Variants in RBFOX1 observed in about 807,000 individuals in gnomAD.
RBFOX1 encodes RNA binding protein fox-1 homolog 1.
In RBFOX1, 8 loss-of-function variants were observed where a neutral mutation model predicts 57.7. The ratio of observed to expected loss-of-function variants is 0.14; its 90% CI spans 0.08 to 0.25. RBFOX1 has a LOEUF of 0.25. Among genes scored for constraint, RBFOX1 ranks in the 10% least tolerant of loss-of-function variants. RBFOX1 has a pLI of 1.00. For missense variants in RBFOX1, 611 were observed against 548.5 expected (o/e 1.11, Z -1.14); for synonymous variants, 326 against 222.4 (o/e 1.47, Z -4.15).
intron 4 of RBFOX1, among the ~76,000 whole-genome samples, chr16:7,172,808 A>C (rs1166144235): frequency 6.6e-6 from 1 of 152,160 alleles, no homozygotes; most frequent in Non-Finnish European, 1.5e-5. Flanking sequence ...TGTAGAGTTA[A>C]ACAGATGGCA....
At chr16:6,782,615 C>T (rs1373657214) in intron 3 of RBFOX1, among the ~76,000 whole-genome samples, 1 of 152,008 alleles carries the variant, frequency 6.6e-6, no homozygotes, top group Non-Finnish European at 1.5e-5. Flanking sequence ...TTGGATTTTT[C>T]TGAATTTCTG....
chr16:5,515,265 G>C (rs1202478742), intron 2 of RBFOX1, among the ~76,000 whole-genome samples: 1 of 152,246 alleles, frequency 6.6e-6, no homozygotes, highest in Admixed American at 6.5e-5. Context: ...AAGTGGTCTG[G>C]GTAGAGTGGT....
intron 3 of RBFOX1, among the ~76,000 whole-genome samples, chr16:6,693,185 C>T (rs930800829): frequency 4.6e-5 from 7 of 150,834 alleles, no homozygotes; most frequent in African/African-American, 9.7e-5. Context: ...CACCATCATC[C>T]GCATCCGCTA....
At chr16:5,717,457 A>C (rs143116397) in intron 3 of RBFOX1, among the ~76,000 whole-genome samples, 274 of 152,294 alleles carry the variant, frequency 1.8e-3, no homozygotes, top group Admixed American at 3.6e-3. Flanking sequence ...CCATCACCCA[A>C]GCAGTGTGCA....
At chr16:5,421,065 G>C (rs1285605775) in intron 1 of RBFOX1, among the ~76,000 whole-genome samples, 1 of 151,428 alleles carries the variant, frequency 6.6e-6, no homozygotes, top group African/African-American at 2.4e-5. Flanking sequence ...GGAGTGCAGT[G>C]GTGCAATCTC....
chr16:6,532,711 C>G (rs1307971459), intron 2 of RBFOX1, among the ~76,000 whole-genome samples: 3 of 152,164 alleles, frequency 2.0e-5, no homozygotes, highest in Admixed American at 6.5e-5. Flanking sequence ...TGGACAGTTG[C>G]ACTGGACTCC....
intron 4 of RBFOX1, among the ~76,000 whole-genome samples, chr16:7,339,042 T>C (rs1237010208): frequency 6.6e-6 from 1 of 152,178 alleles, no homozygotes; most frequent in Non-Finnish European, 1.5e-5. Context: ...AACAGCGGAC[T>C]AAATTAAAGA....
At chr16:7,473,276 G>A (rs2061935956) in intron 4 of RBFOX1, among the ~76,000 whole-genome samples, 1 of 151,916 alleles carries the variant, frequency 6.6e-6, no homozygotes, top group African/African-American at 2.4e-5. Context: ...TACTCAGGAG[G>A]CTGAGGCATG....
At chr16:6,017,662 T>C (rs1017242740), upstream of RBFOX1, among the ~76,000 whole-genome samples, 5 of 152,202 alleles carry the variant, frequency 3.3e-5, no homozygotes, top group African/African-American at 1.2e-4. Context: ...CTTTTTCAAA[T>C]GATGATTAAA....
intron 2 of RBFOX1, among the ~76,000 whole-genome samples, chr16:6,322,763 A>G (rs954474412): frequency 5.9e-5 from 9 of 152,220 alleles, no homozygotes; most frequent in Non-Finnish European, 1.3e-4. Context: ...AAAAGGCGCC[A>G]GTTGGAATAC....
chr16:6,304,876 C>CAAAAACAAA (rs2079282079), intron 1 of RBFOX1, among the ~76,000 whole-genome samples: 1 of 79,676 alleles, frequency 1.3e-5, no homozygotes, highest in Non-Finnish European at 2.2e-5. Flanking sequence ...GACCCTGTCT[C>CAAAAACAAA]AAAAAAAAAA....
intron 2 of RBFOX1, chr16:5,598,772 G>C: frequency 4.3e-6 from 3 of 691,948 alleles, no homozygotes; most frequent in Non-Finnish European, 7.1e-6. Context: ...TGGGTGGAGA[G>C]ACAGAGGGTA....
intron 3 of RBFOX1, among the ~76,000 whole-genome samples, chr16:6,657,113 C>G (rs1009485684): frequency 2.4e-5 from 3 of 126,460 alleles, no homozygotes; most frequent in African/African-American, 3.6e-5. Flanking sequence ...CTCTCCTCCC[C>G]TCTCCTCTCC....
rs140644201 is a variant in RBFOX1, at chr16:6,139,912, G to A, written c.-127+119920G>A. ...AATAGAATTCCATCAGTCTCTCTTA[G>A]CAGGTGTATCTCTGAAGCTCTTCAA... On this transcript the variant is annotated intron_variant, in intron 1 of 15. Transcript: ENST00000550418. Among the ~76,000 whole-genome samples, 450 of 152,336 alleles carry A rather than the reference G, an allele frequency of 3.0e-3. 1 individual carries two copies. Among genetic ancestry groups the A allele is most frequent in the Middle Eastern group, 0.014 (4 of 294 alleles).
intron 3 of RBFOX1, among the ~76,000 whole-genome samples, chr16:7,005,034 C>G (rs2093175011): frequency 6.6e-6 from 1 of 152,128 alleles, no homozygotes; most frequent in Non-Finnish European, 1.5e-5. Context: ...ATCCCAGCTA[C>G]TTGGGAGGCT....
chr16:7,613,826 A>C (rs770890183), intron 10 of RBFOX1, among the ~76,000 whole-genome samples: 4 of 152,150 alleles, frequency 2.6e-5, no homozygotes, highest in Non-Finnish European at 5.9e-5. Flanking sequence ...TTTGGATACA[A>C]TAGCATCTGA....
At chr16:6,670,897 G>C (rs2098760297) in intron 3 of RBFOX1, among the ~76,000 whole-genome samples, 1 of 152,154 alleles carries the variant, frequency 6.6e-6, no homozygotes, top group South Asian at 2.1e-4. Context: ...CTACTTGGGA[G>C]GCTGAGGCAG....
chr16:7,187,179 T>TA (rs1421478515), intron 4 of RBFOX1, among the ~76,000 whole-genome samples: 1 of 150,944 alleles, frequency 6.6e-6, no homozygotes, highest in Non-Finnish European at 1.5e-5. Context: ...AAAAAATAAA[T>TA]AAAAAAATAA....
chr16:7,076,960 G>C (rs1056999206), intron 4 of RBFOX1, among the ~76,000 whole-genome samples: 1 of 152,210 alleles, frequency 6.6e-6, no homozygotes, highest in Non-Finnish European at 1.5e-5. Flanking sequence ...TTCTGAAACA[G>C]CTTGGAAATG....
Sources: gnomAD v4.1 joint callset for allele counts (sites outside exome capture counted in the v4.1 genomes callset) on GRCh38, gnomAD v4.1.1 for gene constraint, MANE v1.5 for transcripts, NCBI Gene and HGNC (gene_info 2026-07-23, HGNC 2026-07-21) for gene names.